Variants in KCND3 observed in about 807,000 individuals in gnomAD.
KCND3 encodes the protein A-type voltage-gated potassium channel KCND3.
A neutral mutation model predicts 51.1 loss-of-function variants in KCND3; 9 were observed. The ratio of observed to expected loss-of-function variants is 0.18; its 90% CI spans 0.11 to 0.31. The LOEUF (loss-of-function observed/expected upper bound fraction) is 0.31, where lower values mean the gene tolerates loss of function less well. Among genes scored for constraint, KCND3 ranks in the 10% least tolerant of loss-of-function variants. The pLI, the probability that KCND3 is intolerant of heterozygous loss-of-function variation, is 1.00. For synonymous variants in KCND3, 349 were observed against 368.0 expected (o/e 0.95, Z 0.59); for missense variants, 526 against 903.8 (o/e 0.58, Z 5.36).
At chr1:111,968,469 G>A (rs956563949) in intron 2 of KCND3, among the ~76,000 whole-genome samples, 1 of 152,218 alleles carries the variant, frequency 6.6e-6, no homozygotes, top group African/African-American at 2.4e-5. Context: ...CGTCAGAAGA[G>A]CCAGCAGAGG....
At chr1:111,905,024 T>C (rs1197375873) in intron 2 of KCND3, among the ~76,000 whole-genome samples, 2 of 152,174 alleles carry the variant, frequency 1.3e-5, no homozygotes, top group Admixed American at 6.5e-5. Flanking sequence ...CATGGCATTC[T>C]CAGAGAGCTC....
At chr1:111,946,772 C>T (rs1433569730) in intron 2 of KCND3, among the ~76,000 whole-genome samples, 1 of 152,184 alleles carries the variant, frequency 6.6e-6, no homozygotes, top group African/African-American at 2.4e-5. Context: ...GTCTTAGTTC[C>T]CACACCACAT....
chr1:111,777,344 T>C (rs1332598476), intron 6 of KCND3, 71 bp from the exon 7 acceptor site: 1 of 1,512,872 alleles, frequency 6.6e-7, no homozygotes, highest in Admixed American at 1.7e-5. Flanking sequence ...CTATACTCTG[T>C]ATGGCTGCCT....
intron 2 of KCND3, among the ~76,000 whole-genome samples, chr1:111,943,340 C>G (rs555754646): frequency 3.3e-4 from 50 of 152,000 alleles, no homozygotes; most frequent in African/African-American, 1.2e-3. Context: ...CCAGCCTCAC[C>G]CAGCCTGCAG....
intron 2 of KCND3, among the ~76,000 whole-genome samples, chr1:111,858,266 AC>A (rs1489010705): frequency 6.6e-6 from 1 of 152,128 alleles, no homozygotes; most frequent in African/African-American, 2.4e-5. Context: ...CCCTGGGCAA[AC>A]CCACCAGCAT....
In KCND3 at chr1:111,856,557, C is replaced by T. The variant is rs79727922; in HGVS notation, c.1107-69451G>A. 3.6e-3 allele frequency among the ~76,000 whole-genome samples: 555 copies of T among 152,332 alleles called. 5 individuals are homozygous for T. Among genetic ancestry groups the T allele is most frequent in the African/African-American group, 0.012 (517 of 41,576 alleles). On this transcript the variant is annotated intron_variant, in intron 2 of 7. Coordinates refer to ENST00000302127, the MANE Select transcript of KCND3 (RefSeq NM_001378969.1). ...CTGCCTGCTGTCTCTCTCAGCCTCC[C>T]TCAGGCCAGACCCCCCCTTGCACAT... is the stretch of plus-strand genomic sequence containing the variant.
At chr1:111,979,199 A>T (rs1674806386) in intron 2 of KCND3, among the ~76,000 whole-genome samples, 1 of 152,066 alleles carries the variant, frequency 6.6e-6, no homozygotes, top group African/African-American at 2.4e-5. Flanking sequence ...CTTTCCTTTC[A>T]CCCTCCAGCA....
intron 2 of KCND3, among the ~76,000 whole-genome samples, chr1:111,789,664 T>C (rs1371250086): frequency 6.6e-6 from 1 of 152,358 alleles, no homozygotes; most frequent in South Asian, 2.1e-4. Flanking sequence ...GCCATCAAAT[T>C]GCTGGCAGAA....
At chr1:111,938,979 C>T (rs1271120419) in intron 2 of KCND3, among the ~76,000 whole-genome samples, 1 of 152,222 alleles carries the variant, frequency 6.6e-6, no homozygotes, top group Non-Finnish European at 1.5e-5. Context: ...CATTCCTAAT[C>T]ATTCTTTAGA....
intron 2 of KCND3, among the ~76,000 whole-genome samples, chr1:111,967,121 CAA>C (rs1424144370): frequency 4.1e-5 from 5 of 122,872 alleles, no homozygotes; most frequent in African/African-American, 1.3e-4. Context: ...GCTTGGGAGA[CAA>C]GAGTGAGATT....
In KCND3 at chr1:111,981,082, T is replaced by C. The variant is rs1204414605; in HGVS notation, c.1106+539A>G. Among the ~76,000 whole-genome samples the C allele has an allele frequency of 6.6e-6, 1 of 152,218 alleles. No individual in the cohort carries two copies. Among genetic ancestry groups the C allele is most frequent in the African/African-American group, 2.4e-5 (1 of 41,458 alleles). On this transcript the variant is annotated intron_variant, in intron 2 of 7. Coordinates refer to ENST00000302127, the MANE Select transcript of KCND3 (RefSeq NM_001378969.1). This position sits in a 1 kb window ranked among gnomAD's most constrained non-coding sequence, Gnocchi z 6.2. Reference sequence around the variant, plus strand: ...AAGTCTGCTCAGAGCTACTGAACGCTTGAGTGTCTGTGGCAGCACAGGAGA... The same window carrying C: ...AAGTCTGCTCAGAGCTACTGAACGCCTGAGTGTCTGTGGCAGCACAGGAGA...
chr1:111,984,600 T>C lies in KCND3; in HGVS notation c.-72-1802A>G, dbSNP rs145394550. On this transcript the variant is annotated intron_variant, in intron 1 of 7. Transcript: ENST00000302127. ...CAGTGTTATCTCCCTAAAGCAAGGT[T>C]CTGATTGTATTTTACCCCACGACCT... is the stretch of plus-strand genomic sequence containing the variant. Among the ~76,000 whole-genome samples, 258 of 152,304 alleles carry C rather than the reference T, an allele frequency of 1.7e-3. 2 individuals are homozygous for C. Among genetic ancestry groups the C allele is most frequent in the Non-Finnish European group, 2.4e-3 (166 of 68,018 alleles).
chr1:111,933,456 C>T lies in KCND3; in HGVS notation c.1106+48165G>A, dbSNP rs72981233. 8.2e-3 allele frequency among the ~76,000 whole-genome samples: 1,243 copies of T among 152,286 alleles called. 16 individuals carry two copies. The highest frequency in any genetic ancestry group is 0.028 in the African/African-American group (1,174 of 41,546). On this transcript the variant is annotated intron_variant, in intron 2 of 7. Coordinates refer to ENST00000302127, the MANE Select transcript of KCND3 (RefSeq NM_001378969.1). ...GCAGAGTCCAGAGAAAAACTTACCC[C>T]TACCATTCCACATTGAGTGTCCTGT...
intron 2 of KCND3, among the ~76,000 whole-genome samples, chr1:111,957,045 AC>A: frequency 6.6e-6 from 1 of 152,220 alleles, no homozygotes. Context: ...GGCCTGCAAG[AC>A]CCAGGGTCAC....
chr1:111,813,509 C>A (rs1326610487), intron 2 of KCND3, among the ~76,000 whole-genome samples: 1 of 152,170 alleles, frequency 6.6e-6, no homozygotes, highest in African/African-American at 2.4e-5. Context: ...ATAATATTCG[C>A]CCAGGACACT....
chr1:111,776,227 T>A lies in KCND3; in HGVS notation c.1818A>T (p.Lys606Asn). ...TGATGGCTGTGGTGATCTGGGATGT[T>A]TTGCAGTTTGGTCTCAGTCCGTCGT... is the stretch of plus-strand genomic sequence containing the variant. ...KADDGLRPNC[K>N]TSQITTAIIS... Residue 606 changes from lysine (K) to asparagine (N), a missense_variant, in exon 8 of 8, where the codon AAA (lysine) becomes AAT (asparagine). By Grantham distance (94) the Lys-to-Asn change is moderately conservative. This residue lies in a region of KCND3 where 266 missense variants were observed against 305.5 expected (regional missense o/e 0.87). Transcript: ENST00000302127. 1.2e-6 allele frequency: 2 copies of A among 1,614,136 alleles called. No individual in the cohort carries two copies. Among genetic ancestry groups the A allele is most frequent in the Non-Finnish European group, 1.7e-6 (2 of 1,180,024 alleles).
intron 2 of KCND3, among the ~76,000 whole-genome samples, chr1:111,809,730 T>C (rs929395341): frequency 1.3e-5 from 2 of 152,188 alleles, no homozygotes; most frequent in African/African-American, 4.8e-5. Flanking sequence ...CCCACTCATT[T>C]GATCAAAGGT....
chr1:111,935,028 C>T (rs1006358503), intron 2 of KCND3, among the ~76,000 whole-genome samples: 2 of 152,198 alleles, frequency 1.3e-5, no homozygotes, highest in African/African-American at 4.8e-5. Context: ...TGACTCTAAA[C>T]TGAGTAATCA....
At chr1:111,826,584 C>T (rs1260554300) in intron 2 of KCND3, among the ~76,000 whole-genome samples, 1 of 152,138 alleles carries the variant, frequency 6.6e-6, no homozygotes, top group Non-Finnish European at 1.5e-5. Context: ...CTTAATCTTT[C>T]TACGTTTAAT....
Sources: gnomAD v4.1 joint callset for allele counts (sites outside exome capture counted in the v4.1 genomes callset) on GRCh38, gnomAD v4.1.1 for gene constraint, gnomAD v4.1.1 regional missense constraint, Gnocchi (gnomAD v3.1) non-coding constraint, MANE v1.5 for transcripts, NCBI Gene and HGNC (gene_info 2026-07-23, HGNC 2026-07-21) for gene names.